Variants in NRXN3 observed in about 807,000 individuals in gnomAD.
The protein encoded by NRXN3 is neurexin 3, also known as neurexin III.
NRXN3 carries 32 observed loss-of-function variants against 137.6 expected under a neutral mutation model. That is an observed-to-expected ratio of 0.23 (90% CI 0.18 to 0.31). NRXN3 has a LOEUF of 0.31. Among genes scored for constraint, NRXN3 ranks in the 10% least tolerant of loss-of-function variants. The pLI, the probability that NRXN3 is intolerant of heterozygous loss-of-function variation, is 1.00. For missense variants in NRXN3, 1,574 were observed against 2,062.5 expected (o/e 0.76, Z 4.59); for synonymous variants, 798 against 784.5 (o/e 1.02, Z -0.29).
chr14:78,797,508 T>C (rs1033629360), intron 8 of NRXN3, among the ~76,000 whole-genome samples: 1 of 152,188 alleles, frequency 6.6e-6, no homozygotes, highest in Non-Finnish European at 1.5e-5. Flanking sequence ...AGAACAATGA[T>C]TCATCAAGTA....
Position 78,903,143 on chromosome 14 carries a change from T to A in NRXN3, c.2276-54099T>A, listed in dbSNP as rs76070421. 4.7e-3 allele frequency among the ~76,000 whole-genome samples: 652 copies of A among 137,796 alleles called. 2 individuals carry two copies. Among genetic ancestry groups the A allele is most frequent in the African/African-American group, 0.02 (612 of 31,274 alleles). 90.4% of individuals were successfully genotyped at this position (137,796 alleles called of 152,430 possible). ...TGAGGAAATAAACAATGAAGTTTCA[T>A]CTTCTTTTTTTTTTTTTTTTTCTGA... On this transcript the variant is annotated intron_variant, in intron 10 of 20. Coordinates refer to ENST00000335750, the MANE Select transcript of NRXN3 (RefSeq NM_001330195.2).
intron 10 of NRXN3, among the ~76,000 whole-genome samples, chr14:78,882,079 G>T (rs145565516): frequency 6.6e-6 from 1 of 151,818 alleles, no homozygotes; most frequent in Admixed American, 6.5e-5. Context: ...TCCACATAGT[G>T]TTGGGCCTGT....
At chr14:79,010,713 T>C (rs1763933563) in intron 15 of NRXN3, among the ~76,000 whole-genome samples, 1 of 152,226 alleles carries the variant, frequency 6.6e-6, no homozygotes, top group Admixed American at 6.5e-5. Flanking sequence ...TTGATTTTTA[T>C]ATCAATCTTT....
At chr14:78,817,208 A>G (rs150343457) in intron 10 of NRXN3, among the ~76,000 whole-genome samples, 1 of 152,306 alleles carries the variant, frequency 6.6e-6, no homozygotes, top group East Asian at 1.9e-4. Flanking sequence ...TATGCCACAA[A>G]TGAGCTACAT....
intron 16 of NRXN3, among the ~76,000 whole-genome samples, chr14:79,647,427 A>G (rs927622435): frequency 7.4e-6 from 1 of 136,030 alleles, no homozygotes; most frequent in African/African-American, 2.4e-5. Flanking sequence ...CTTTCAAATA[A>G]TGCATTTTAT....
At chr14:78,583,014 T>A (rs2097019088) in intron 4 of NRXN3, among the ~76,000 whole-genome samples, 1 of 152,130 alleles carries the variant, frequency 6.6e-6, no homozygotes, top group Non-Finnish European at 1.5e-5. Flanking sequence ...GCTGCTGAGA[T>A]CCCAGCTGCT....
chr14:79,007,741 G>T lies in NRXN3; in HGVS notation c.3262+19600G>T, dbSNP rs1334378079. Among the ~76,000 whole-genome samples the T allele has an allele frequency of 2.1e-5, 3 of 144,162 alleles. No individual in the cohort carries two copies. In the South Asian group the frequency reaches 6.6e-4, roughly 31 times the overall value. The allele number at this position is 144,162 out of a possible 152,430, so 94.6% of individuals were successfully genotyped here. On this transcript the variant is annotated intron_variant, in intron 15 of 20. Transcript: ENST00000335750. ...GAATGGCGTGAACCCGGGAGGCAGA[G>T]CTTGCAGTGAGCCGAGATCATGCCA...
At chr14:79,508,403 T>TTTTTTTTTTTTTTTTTTTG (rs2096899808) in intron 16 of NRXN3, among the ~76,000 whole-genome samples, 1 of 137,014 alleles carries the variant, frequency 7.3e-6, no homozygotes, top group African/African-American at 2.7e-5. Context: ...TTTTTTTTTT[T>TTTTTTTTTTTTTTTTTTTG]TTTAAGACAG....
In NRXN3 at chr14:79,504,306, A is replaced by G. The variant is rs2096852212; in HGVS notation, c.3444+36904A>G. 2.0e-5 allele frequency among the ~76,000 whole-genome samples: 3 copies of G among 152,096 alleles called. No homozygotes were observed. The South Asian group carries it at 6.2e-4, about 32-fold the overall frequency. On this transcript the variant is annotated intron_variant, in intron 16 of 20. Transcript: ENST00000335750. ...TTCTCTGACAGATTGTTATTCCTTC[A>G]TCGTCCAAAAGGAGTCCTCACTTTG...
chr14:79,257,350 T>G (rs2076718665), intron 15 of NRXN3, among the ~76,000 whole-genome samples: 1 of 85,724 alleles, frequency 1.2e-5, no homozygotes, highest in Non-Finnish European at 2.4e-5. Flanking sequence ...TTCCTGGTGG[T>G]GGTGGTGGTG....
intron 20 of NRXN3, among the ~76,000 whole-genome samples, chr14:79,838,446 T>G (rs1181602877): frequency 6.6e-6 from 1 of 152,182 alleles, no homozygotes; most frequent in African/African-American, 2.4e-5. Context: ...AAATAAAATT[T>G]AGTGTTTCTC....
At chr14:79,159,380 G>A (rs1374555212) in intron 15 of NRXN3, among the ~76,000 whole-genome samples, 1 of 151,770 alleles carries the variant, frequency 6.6e-6, no homozygotes, top group East Asian at 1.9e-4. Flanking sequence ...GCTTATCTGA[G>A]CACAGTGGTC....
At chr14:78,653,360 T>A (rs1404212373) in intron 6 of NRXN3, among the ~76,000 whole-genome samples, 1 of 152,160 alleles carries the variant, frequency 6.6e-6, no homozygotes, top group Non-Finnish European at 1.5e-5. Context: ...GGAATTGCAC[T>A]CTCATCAGAA....
chr14:79,515,499 C>T (rs1272794288), intron 16 of NRXN3, among the ~76,000 whole-genome samples: 1 of 150,072 alleles, frequency 6.7e-6, no homozygotes, highest in Non-Finnish European at 1.5e-5. Flanking sequence ...GGAGGCAGGG[C>T]GACTAGAACT....
intron 6 of NRXN3, among the ~76,000 whole-genome samples, chr14:78,672,637 G>A (rs1290647079): frequency 6.6e-6 from 1 of 152,132 alleles, no homozygotes; most frequent in Non-Finnish European, 1.5e-5. Context: ...CTATTAATGG[G>A]AATTGGTCAC....
chr14:78,724,931 T>G (rs1400140359), intron 8 of NRXN3, among the ~76,000 whole-genome samples: 2 of 152,224 alleles, frequency 1.3e-5, no homozygotes, highest in Non-Finnish European at 2.9e-5. Flanking sequence ...GAGTGGCTCT[T>G]GAAAGACCCC....
At chr14:78,838,506 C>T (rs866632649) in intron 10 of NRXN3, among the ~76,000 whole-genome samples, 16 of 152,156 alleles carry the variant, frequency 1.1e-4, no homozygotes, top group Middle Eastern at 3.2e-3. Context: ...CTGTTGCATA[C>T]ATTATTTGTC....
At chr14:79,173,166 A>G (rs1456173913) in intron 15 of NRXN3, among the ~76,000 whole-genome samples, 1 of 152,214 alleles carries the variant, frequency 6.6e-6, no homozygotes, top group Non-Finnish European at 1.5e-5. Flanking sequence ...TGGTTGAAAC[A>G]TTGCTAACCA....
intron 16 of NRXN3, among the ~76,000 whole-genome samples, chr14:79,585,444 T>C (rs1394377867): frequency 6.6e-6 from 1 of 152,034 alleles, no homozygotes; most frequent in Non-Finnish European, 1.5e-5. Context: ...CCCAGCACTT[T>C]GGGAGGCCAG....
Sources: gnomAD v4.1 joint callset for allele counts (sites outside exome capture counted in the v4.1 genomes callset) on GRCh38, gnomAD v4.1.1 for gene constraint, MANE v1.5 for transcripts, NCBI Gene and HGNC (gene_info 2026-07-23, HGNC 2026-07-21) for gene names.